Variants in TMTC1 observed in about 807,000 individuals in gnomAD.
TMTC1 encodes transmembrane O-mannosyltransferase targeting cadherins 1, also known as protein O-mannosyl-transferase TMTC1.
Under a neutral mutation model 104.8 loss-of-function variants are expected in TMTC1, and 73 were observed. The observed-to-expected ratio is 0.70, with a 90% confidence interval of 0.58 to 0.85. TMTC1 has a LOEUF of 0.85. Among genes scored for constraint, TMTC1 ranks in the 40% least tolerant of loss-of-function variants. TMTC1 has a pLI of 0.00. For missense variants in TMTC1, 1,035 were observed against 1,096.1 expected (o/e 0.94, Z 0.79); for synonymous variants, 434 against 428.7 (o/e 1.01, Z -0.15).
chr12:29,730,783 T>C (rs758686294), intron 5 of TMTC1, among the ~76,000 whole-genome samples: 7 of 152,154 alleles, frequency 4.6e-5, no homozygotes, highest in Admixed American at 1.3e-4. Context: ...CTCAACATAG[T>C]ACTAATTCAG....
chr12:29,709,549 A>C (rs544952329), intron 5 of TMTC1, among the ~76,000 whole-genome samples: 1 of 152,322 alleles, frequency 6.6e-6, no homozygotes, highest in Admixed American at 6.5e-5. Context: ...AAGTACATTC[A>C]GATAAAAATT....
chr12:29,620,450 AAAGTG>A (rs1191184577), intron 6 of TMTC1, among the ~76,000 whole-genome samples: 1 of 152,260 alleles, frequency 6.6e-6, no homozygotes, highest in African/African-American at 2.4e-5. Context: ...TGGTAAATTT[AAAGTG>A]AACTAAATTA....
intron 6 of TMTC1, among the ~76,000 whole-genome samples, chr12:29,612,483 T>A (rs1027686471): frequency 6.6e-6 from 1 of 152,180 alleles, no homozygotes; most frequent in Admixed American, 6.5e-5. Context: ...GGTGCAATCT[T>A]GGCTCACTGC....
At chr12:29,674,889 T>C (rs1940665313) in intron 5 of TMTC1, among the ~76,000 whole-genome samples, 3 of 152,268 alleles carry the variant, frequency 2.0e-5, no homozygotes, top group Admixed American at 6.5e-5. Flanking sequence ...GATCTACTAC[T>C]ATGATTATTA....
At chr12:29,625,944 C>T (rs1937966846) in intron 6 of TMTC1, among the ~76,000 whole-genome samples, 1 of 152,188 alleles carries the variant, frequency 6.6e-6, no homozygotes, top group South Asian at 2.1e-4. Context: ...GATAATAAAA[C>T]AAACCTCATA....
intron 5 of TMTC1, among the ~76,000 whole-genome samples, chr12:29,713,049 G>C (rs982743): frequency 0.45 from 68,859 of 151,558 alleles, 16,634 homozygotes; most frequent in South Asian, 0.64. Flanking sequence ...TAATGTGGGC[G>C]AGGCTCATCC....
chr12:29,629,246 G>A lies in TMTC1; in HGVS notation c.1128+3901C>T, dbSNP rs148017774. 5.2e-3 allele frequency among the ~76,000 whole-genome samples: 784 copies of A among 151,958 alleles called. 8 individuals are homozygous for A. The highest frequency in any genetic ancestry group is 0.018 in the African/African-American group (744 of 41,468). ...TGAGGCAAGAGAATGGCGTGAACCC[G>A]GGAGGTGGAGTTTGCAGTTAGTGGA... On this transcript the variant is annotated intron_variant, in intron 6 of 17. Coordinates refer to ENST00000539277, the MANE Select transcript of TMTC1 (RefSeq NM_001193451.2).
Position 29,599,993 on chromosome 12 carries a change from C to CATATATAT in TMTC1, c.1250+4177_1250+4184dup, listed in dbSNP as rs71444331. 2.3e-3 allele frequency among the ~76,000 whole-genome samples: 188 copies of CATATATAT among 81,810 alleles called. 3 individuals are homozygous for CATATATAT. In the South Asian group the frequency reaches 0.036, roughly 16 times the overall value. 53.7% of individuals were successfully genotyped at this position (81,810 alleles called of 152,430 possible). A position where few individuals can be genotyped will look rare whatever the true frequency, so the allele number is the denominator to read the frequency against. ...ATGTGTGTGTGTGTGTGTGTATATA[C>CATATATAT]ATATATATATATATATTTTTTTTTT... On this transcript the variant is annotated intron_variant, in intron 7 of 17. Transcript: ENST00000539277.
chr12:29,625,977 G>A (rs902751711), intron 6 of TMTC1, among the ~76,000 whole-genome samples: 6 of 152,210 alleles, frequency 3.9e-5, no homozygotes, highest in East Asian at 1.9e-4. Context: ...TATTTCATGC[G>A]GCTGTTGAGC....
At chr12:29,717,434 T>C (rs1942115870) in intron 5 of TMTC1, among the ~76,000 whole-genome samples, 1 of 152,178 alleles carries the variant, frequency 6.6e-6, no homozygotes, top group Non-Finnish European at 1.5e-5. Context: ...AACTTGCCTG[T>C]AATGGCTCAG....
intron 5 of TMTC1, among the ~76,000 whole-genome samples, chr12:29,684,331 T>G (rs1362133775): frequency 2.0e-5 from 3 of 152,234 alleles, no homozygotes; most frequent in Non-Finnish European, 4.4e-5. Context: ...TTTGAGCTCC[T>G]AACAGCTTGA....
chr12:29,642,508 GA>G (rs991108623), intron 5 of TMTC1, among the ~76,000 whole-genome samples: 1 of 151,162 alleles, frequency 6.6e-6, no homozygotes, highest in African/African-American at 2.4e-5. Flanking sequence ...CATATATGAA[GA>G]AAAAAAAGTC....
chr12:29,775,560 G>T (rs1943688364), intron 1 of TMTC1, among the ~76,000 whole-genome samples: 1 of 152,084 alleles, frequency 6.6e-6, no homozygotes, highest in Non-Finnish European at 1.5e-5. Context: ...GGTCCAGGAG[G>T]GCCCTGAGCA....
chr12:29,777,743 C>CG (rs1943745188), intron 1 of TMTC1, among the ~76,000 whole-genome samples: 1 of 152,090 alleles, frequency 6.6e-6, no homozygotes. Context: ...TTCTTGCCTC[C>CG]AATCACATTT....
intron 6 of TMTC1, among the ~76,000 whole-genome samples, chr12:29,613,405 G>T (rs940116389): frequency 6.6e-6 from 1 of 152,216 alleles, no homozygotes; most frequent in Non-Finnish European, 1.5e-5. Context: ...GTCTGAGGAG[G>T]GGGTGGAGAG....
intron 8 of TMTC1, among the ~76,000 whole-genome samples, chr12:29,574,487 A>C (rs1157187859): frequency 1.3e-5 from 2 of 152,236 alleles, no homozygotes; most frequent in Non-Finnish European, 2.9e-5. Flanking sequence ...ATAACAAAAC[A>C]CAAAACCCAT....
chr12:29,699,446 C>T (rs1370796322), intron 5 of TMTC1, among the ~76,000 whole-genome samples: 5 of 152,058 alleles, frequency 3.3e-5, no homozygotes, highest in Non-Finnish European at 7.4e-5. Context: ...GAAAAAAGTG[C>T]CATGAAGGCA....
chr12:29,638,355 C>T (rs1231252587), intron 5 of TMTC1, among the ~76,000 whole-genome samples: 2 of 152,076 alleles, frequency 1.3e-5, no homozygotes, highest in Non-Finnish European at 2.9e-5. Context: ...TGGAATTCAG[C>T]TGAGGGTGAT....
chr12:29,554,076 C>A (rs536909315), intron 10 of TMTC1, among the ~76,000 whole-genome samples: 3 of 152,104 alleles, frequency 2.0e-5, no homozygotes, highest in Non-Finnish European at 4.4e-5. Flanking sequence ...TTTTATATAA[C>A]CAGTACGTTA....
Sources: allele counts gnomAD v4.1 joint callset (sites outside exome capture counted in the v4.1 genomes callset), GRCh38; gene constraint gnomAD v4.1.1; transcripts MANE v1.5; gene names NCBI Gene and HGNC (gene_info 2026-07-23, HGNC 2026-07-21).